RBM47: variants seen among roughly 807,000 people sequenced by gnomAD.
RBM47 encodes the protein RNA binding motif protein 47.
RBM47 carries 21 observed loss-of-function variants against 47.1 expected under a neutral mutation model. The observed-to-expected ratio is 0.45, with a 90% CI of 0.32 to 0.64. The LOEUF is 0.64. Ranked by LOEUF, RBM47 falls within the 30% of genes least tolerant of loss-of-function variation. The pLI is 0.05. For synonymous variants in RBM47, 375 were observed against 361.7 expected, an observed-to-expected ratio of 1.04 and a Z score of -0.42; for missense variants, 708 against 870.9, an observed-to-expected ratio of 0.81 and a Z score of 2.35.
At chr4:40,575,563 A>AC (rs1377814934) in intron 1 of RBM47, among the ~76,000 whole-genome samples, 2 of 151,590 alleles carry the variant, frequency 1.3e-5, no homozygotes, top group African/African-American at 4.9e-5. Context: ...AAAAAAAAAA[A>AC]AAAAACTACC....
chr4:40,622,309 T>C (rs1737338711), intron 1 of RBM47, among the ~76,000 whole-genome samples: 1 of 152,038 alleles, frequency 6.6e-6, no homozygotes, highest in African/African-American at 2.4e-5. Flanking sequence ...GAGCAAAGAC[T>C]TGAAGGAGGT....
intron 2 of RBM47, among the ~76,000 whole-genome samples, chr4:40,472,583 A>C (rs1310540924): frequency 6.8e-6 from 1 of 147,690 alleles, no homozygotes; most frequent in African/African-American, 2.5e-5. Flanking sequence ...AAAAAAAATC[A>C]TGTTTTTCTT....
chr4:40,557,978 T>C (rs181920532), intron 1 of RBM47, among the ~76,000 whole-genome samples: 1 of 152,320 alleles, frequency 6.6e-6, no homozygotes, highest in Admixed American at 6.5e-5. Context: ...ATGTGTACTC[T>C]GGTTAGATCT....
intron 1 of RBM47, among the ~76,000 whole-genome samples, chr4:40,581,466 A>AAAT (rs1016238828): frequency 4.0e-5 from 6 of 151,088 alleles, no homozygotes; most frequent in African/African-American, 9.7e-5. Flanking sequence ...ATAAATAAAT[A>AAAT]AAAGGAGAGG....
intron 1 of RBM47, among the ~76,000 whole-genome samples, chr4:40,612,819 T>C (rs931287710): frequency 6.6e-6 from 1 of 152,218 alleles, no homozygotes; most frequent in Non-Finnish European, 1.5e-5. Flanking sequence ...AGAACCCATG[T>C]CAATTTGCAG....
chr4:40,561,639 T>G (rs1159110463), intron 1 of RBM47, among the ~76,000 whole-genome samples: 2 of 147,034 alleles, frequency 1.4e-5, no homozygotes, highest in African/African-American at 5.1e-5. Context: ...AACCTCCACC[T>G]CCTGGGCTCA....
intron 2 of RBM47, among the ~76,000 whole-genome samples, chr4:40,479,651 A>G (rs112514830): frequency 4.6e-5 from 7 of 151,762 alleles, no homozygotes; most frequent in African/African-American, 1.4e-4. Flanking sequence ...TACCTTCTCA[A>G]TTGGCATCCT....
At chr4:40,562,528 C>T (rs996866395) in intron 1 of RBM47, among the ~76,000 whole-genome samples, 2 of 146,344 alleles carry the variant, frequency 1.4e-5, no homozygotes, top group African/African-American at 2.6e-5. Context: ...TGCACTGGTG[C>T]GACCTCGGCT....
chr4:40,601,630 A>T (rs1292933897), intron 1 of RBM47, among the ~76,000 whole-genome samples: 1 of 152,248 alleles, frequency 6.6e-6, no homozygotes, highest in Non-Finnish European at 1.5e-5. Flanking sequence ...TGGCATGCCA[A>T]AAAAGCTTCG....
chr4:40,458,924 G>A (rs996663495), intron 3 of RBM47, among the ~76,000 whole-genome samples: 5 of 152,146 alleles, frequency 3.3e-5, no homozygotes, highest in Admixed American at 6.5e-5. Context: ...TGAGTTCATT[G>A]ATATGAGTAG....
intron 4 of RBM47, chr4:40,437,006 G>A (rs1712568496): frequency 2.9e-6 from 1 of 350,526 alleles, no homozygotes; most frequent in Non-Finnish European, 5.7e-6. Flanking sequence ...TTGGGAGGCT[G>A]AGGCGAGAGG....
At chr4:40,508,708 G>A (rs1724459836) in intron 2 of RBM47, among the ~76,000 whole-genome samples, 1 of 152,154 alleles carries the variant, frequency 6.6e-6, no homozygotes, top group Admixed American at 6.6e-5. Context: ...GATAATGGGA[G>A]GAGAGGCACG....
In RBM47 at chr4:40,494,773, T is replaced by C. The variant is rs373770970; in HGVS notation, c.-154-28074A>G. ...CAGAGTCCTTTGGGGGAATTTCTCA[T>C]CCTGCAGATAAGACTGCTATAGGTT... On this transcript the variant is annotated intron_variant, in intron 2 of 6. Transcript: ENST00000295971. Among the ~76,000 whole-genome samples the C allele has an allele frequency of 5.3e-5, 8 of 152,170 alleles. No individual in the cohort carries two copies. The East Asian group carries it at 1.5e-3, about 29-fold the overall frequency.
In RBM47 at chr4:40,423,684, CTTTCTTTCTTTCTTTCTTTCTTTCTTTCT is replaced by C. The variant is rs1261925346; in HGVS notation, c.*2191_*2219del. ...TCTTTCTTTCTTTCTTTCTTTCTTT[CTTTCTTTCTTTCTTTCTTTCTTTCTTTCT>C]TTTCTTTCTTTTCTTTCTTCCTCTT... On this transcript the variant is annotated 3_prime_UTR_variant, in exon 7 of 7. Coordinates refer to ENST00000295971, the MANE Select transcript of RBM47 (RefSeq NM_001098634.2). 3.5e-3 allele frequency: 361 copies of C among 101,764 alleles called. 7 individuals are homozygous for C. Among genetic ancestry groups the C allele is most frequent in the East Asian group, 0.014 (45 of 3,140 alleles). The allele number at this position is 101,764 out of a possible 1,614,324, so 6.3% of individuals were successfully genotyped here. A position where few individuals can be genotyped will look rare whatever the true frequency, so the allele number is the denominator to read the frequency against.
intron 5 of RBM47, among the ~76,000 whole-genome samples, chr4:40,434,102 C>T (rs1253313208): frequency 1.3e-5 from 2 of 151,084 alleles, no homozygotes; most frequent in African/African-American, 4.9e-5. Context: ...CTGGTTTTCT[C>T]CAACTGTAGG....
At chr4:40,534,898 G>A (rs1174052947) in intron 2 of RBM47, among the ~76,000 whole-genome samples, 1 of 146,800 alleles carries the variant, frequency 6.8e-6, no homozygotes, top group Non-Finnish European at 1.5e-5. Flanking sequence ...TCGTGCCAGT[G>A]CACTCCAGCC....
intron 1 of RBM47, among the ~76,000 whole-genome samples, chr4:40,608,985 T>TTTTATTTA (rs369701422): frequency 1.4e-4 from 22 of 152,008 alleles, no homozygotes; most frequent in South Asian, 6.2e-4. Flanking sequence ...ATACCTCTTC[T>TTTTATTTA]TTTATTTATT....
intron 1 of RBM47, among the ~76,000 whole-genome samples, chr4:40,545,020 A>G (rs964146914): frequency 6.9e-6 from 1 of 145,104 alleles, no homozygotes; most frequent in Middle Eastern, 3.7e-3. Context: ...ATGATCGTGC[A>G]CTCCAGCCTG....
chr4:40,557,978 T>TGG (rs1339094798), intron 1 of RBM47, among the ~76,000 whole-genome samples: 15 of 152,202 alleles, frequency 9.9e-5, no homozygotes. Flanking sequence ...ATGTGTACTC[T>TGG]GGTTAGATCT....
Sources: gnomAD v4.1 joint callset for allele counts (sites outside exome capture counted in the v4.1 genomes callset) on GRCh38, gnomAD v4.1.1 for gene constraint, MANE v1.5 for transcripts, NCBI Gene and HGNC (gene_info 2026-07-23, HGNC 2026-07-21) for gene names.